CPQ: variants seen among roughly 807,000 people sequenced by gnomAD.
CPQ encodes carboxypeptidase Q.
Under a neutral mutation model 45.7 loss-of-function variants are expected in CPQ, and 37 were observed. The observed-to-expected ratio is 0.81, with a 90% CI of 0.62 to 1.07. The LOEUF (loss-of-function observed/expected upper bound fraction) is 1.07. Ranked by LOEUF, CPQ falls within the 50% of genes least tolerant of loss-of-function variation. The pLI is 0.00. For synonymous variants in CPQ, 186 were observed against 205.8 expected (o/e 0.90, Z 0.82); for missense variants, 537 against 572.9 (o/e 0.94, Z 0.64).
At chr8:96,814,430 A>G (rs77723367) in intron 2 of CPQ, among the ~76,000 whole-genome samples, 8,222 of 152,284 alleles carry the variant, frequency 0.054, 345 homozygotes, top group East Asian at 0.18. Context: ...GGATGGATGG[A>G]GGCTCCACAA....
chr8:96,717,788 C>T (rs113896047), intron 1 of CPQ, among the ~76,000 whole-genome samples: 1 of 152,062 alleles, frequency 6.6e-6, no homozygotes, highest in Non-Finnish European at 1.5e-5. Flanking sequence ...CGTGTGGGCA[C>T]AAGCAGTGGC....
chr8:96,815,105 G>A (rs957166292), intron 2 of CPQ, among the ~76,000 whole-genome samples: 1 of 152,036 alleles, frequency 6.6e-6, no homozygotes, highest in African/African-American at 2.4e-5. Flanking sequence ...GGTGATGGCT[G>A]CATAACTCTG....
chr8:97,097,840 A>G (rs941297480), intron 7 of CPQ, among the ~76,000 whole-genome samples: 9 of 152,172 alleles, frequency 5.9e-5, no homozygotes, highest in African/African-American at 2.2e-4. Flanking sequence ...GAACATGTAA[A>G]TTTACAAGAG....
chr8:96,875,796 T>G (rs942032571), intron 3 of CPQ, among the ~76,000 whole-genome samples: 2 of 152,010 alleles, frequency 1.3e-5, no homozygotes, highest in Non-Finnish European at 2.9e-5. Context: ...GATTTCCATA[T>G]GAATTTTATA....
intron 7 of CPQ, among the ~76,000 whole-genome samples, chr8:97,101,951 C>CCTCTCTCT (rs150834817): frequency 1.2e-4 from 11 of 90,740 alleles, no homozygotes; most frequent in African/African-American, 4.5e-4. Context: ...TCCCTCCCTC[C>CCTCTCTCT]CTCTCTCTCT....
At chr8:96,690,671 G>C (rs1056795871) in intron 1 of CPQ, among the ~76,000 whole-genome samples, 1 of 152,186 alleles carries the variant, frequency 6.6e-6, no homozygotes, top group Admixed American at 6.5e-5. Flanking sequence ...CGTTTGAGCT[G>C]TGATACAAAG....
chr8:97,007,018 A>G (rs776073351), intron 5 of CPQ, among the ~76,000 whole-genome samples: 2 of 152,248 alleles, frequency 1.3e-5, no homozygotes, highest in Non-Finnish European at 2.9e-5. Context: ...ATGAAGAAAC[A>G]TAAAAGAAAA....
chr8:97,068,884 C>G (rs1586525084), intron 7 of CPQ, among the ~76,000 whole-genome samples: 1 of 152,298 alleles, frequency 6.6e-6, no homozygotes, highest in Non-Finnish European at 1.5e-5. Flanking sequence ...GGCTTCAAGG[C>G]TGGTGGCCCT....
chr8:96,958,752 A>G lies in CPQ; in HGVS notation c.850-7183A>G, dbSNP rs147005615. Among the ~76,000 whole-genome samples, 88 of 152,156 alleles carry G rather than the reference A, an allele frequency of 5.8e-4. 1 individual carries two copies. Among genetic ancestry groups the G allele is most frequent in the African/African-American group, 2.0e-3 (83 of 41,536 alleles). On this transcript the variant is annotated intron_variant, in intron 4 of 7. Transcript: ENST00000220763. ...GAATAGGCATGATCTCCTTTTTGTGAGTCTAATCTGAGTGTCCTTTACAAG... is the reference window on the plus strand; with the variant it reads ...GAATAGGCATGATCTCCTTTTTGTGGGTCTAATCTGAGTGTCCTTTACAAG...
intron 2 of CPQ, among the ~76,000 whole-genome samples, chr8:96,826,808 T>C (rs1811385507): frequency 6.6e-6 from 1 of 151,988 alleles, no homozygotes; most frequent in South Asian, 2.1e-4. Flanking sequence ...GGCCTCAGTG[T>C]GTGTTGTTCC....
rs956854480 is a variant in CPQ at position 96,926,533 on chromosome 8, T to C, written c.850-39402T>C. ...TGCAAGCCAGTCCTCCTTTCTTCTTTTTCTTCTTCTTCCTCTTCCTCTTCC... is the reference window on the plus strand; with the variant it reads ...TGCAAGCCAGTCCTCCTTTCTTCTTCTTCTTCTTCTTCCTCTTCCTCTTCC... On this transcript the variant is annotated intron_variant, in intron 4 of 7. Coordinates refer to ENST00000220763, the MANE Select transcript of CPQ (RefSeq NM_016134.4). Among the ~76,000 whole-genome samples the C allele has an allele frequency of 3.1e-4, 42 of 136,014 alleles. 1 individual carries two copies. The highest frequency in any genetic ancestry group is 1.7e-3 in the East Asian group (8 of 4,656). The allele number at this position is 136,014 out of a possible 152,430, so 89.2% of individuals were successfully genotyped here.
intron 4 of CPQ, among the ~76,000 whole-genome samples, chr8:96,917,817 G>C (rs896311269): frequency 6.6e-5 from 10 of 151,950 alleles, no homozygotes; most frequent in African/African-American, 2.4e-4. Context: ...TTGTCCTCTT[G>C]CTTTTCTGTA....
At chr8:96,901,184 A>T (rs1218346173) in intron 4 of CPQ, among the ~76,000 whole-genome samples, 2 of 152,190 alleles carry the variant, frequency 1.3e-5, no homozygotes, top group Non-Finnish European at 2.9e-5. Context: ...ATCAATTCAG[A>T]TGGGGTATAA....
At chr8:97,017,474 CTACT>C (rs1809601123) in intron 5 of CPQ, among the ~76,000 whole-genome samples, 2 of 152,158 alleles carry the variant, frequency 1.3e-5, no homozygotes, top group African/African-American at 4.8e-5. Context: ...AAGGAAAGCC[CTACT>C]TACTTTTGCA....
At chr8:96,982,083 T>C (rs915163304) in intron 5 of CPQ, among the ~76,000 whole-genome samples, 34 of 152,342 alleles carry the variant, frequency 2.2e-4, no homozygotes, top group Non-Finnish European at 4.0e-4. Context: ...CTGCTACTAA[T>C]GGTGATCATC....
intron 3 of CPQ, among the ~76,000 whole-genome samples, chr8:96,875,863 C>T (rs948240170): frequency 6.6e-6 from 1 of 151,572 alleles, no homozygotes; most frequent in South Asian, 2.1e-4. Flanking sequence ...ATATGGATTG[C>T]GTTAAATCCA....
intron 4 of CPQ, among the ~76,000 whole-genome samples, chr8:96,959,351 G>GT (rs1294626508): frequency 6.6e-6 from 1 of 152,160 alleles, no homozygotes; most frequent in African/African-American, 2.4e-5. Context: ...ATGGAATATC[G>GT]TATTAGATGG....
At chr8:96,792,133 T>A (rs946054222) in intron 2 of CPQ, among the ~76,000 whole-genome samples, 1 of 152,168 alleles carries the variant, frequency 6.6e-6, no homozygotes, top group Non-Finnish European at 1.5e-5. Flanking sequence ...CATGGCAGGA[T>A]TGAGAGCTCT....
At chr8:96,731,354 C>T (rs922800801) in intron 1 of CPQ, among the ~76,000 whole-genome samples, 1 of 152,166 alleles carries the variant, frequency 6.6e-6, no homozygotes, top group African/African-American at 2.4e-5. Context: ...TTCAGGCTTT[C>T]CTCCAGGCTA....
Sources: allele counts gnomAD v4.1 joint callset (sites outside exome capture counted in the v4.1 genomes callset), GRCh38; gene constraint gnomAD v4.1.1; transcripts MANE v1.5; gene names NCBI Gene and HGNC (gene_info 2026-07-23, HGNC 2026-07-21).